PRKD1: variants seen among roughly 807,000 people sequenced by gnomAD.
The protein encoded by PRKD1 is serine/threonine-protein kinase D1.
In PRKD1, 63 loss-of-function variants were observed where a neutral mutation model predicts 95.9. The observed-to-expected ratio is 0.66, with a 90% confidence interval of 0.54 to 0.81. The LOEUF (loss-of-function observed/expected upper bound fraction) is 0.81, where lower values mean the gene tolerates loss of function less well. Ranked by LOEUF, PRKD1 falls within the 30% of genes least tolerant of loss-of-function variation. The pLI, the probability that PRKD1 is intolerant of heterozygous loss-of-function variation, is 0.00. For missense variants in PRKD1, 1,048 were observed against 1,165.3 expected, an observed-to-expected ratio of 0.90 and a Z score of 1.47; for synonymous variants, 425 against 423.1, an observed-to-expected ratio of 1.00 and a Z score of -0.05.
intron 16 of PRKD1, among the ~76,000 whole-genome samples, chr14:29,581,665 C>T (rs1489472504): frequency 1.3e-5 from 2 of 152,102 alleles, no homozygotes; most frequent in African/African-American, 4.8e-5. Context: ...TTTTTACAGT[C>T]ATGATAATTA....
intron 1 of PRKD1, among the ~76,000 whole-genome samples, chr14:29,731,867 C>CTTTTT (rs56015138): frequency 1.4e-5 from 2 of 144,588 alleles, no homozygotes; most frequent in Admixed American, 6.9e-5. Context: ...ACAATCTCTA[C>CTTTTT]TTTTTTTTTT....
chr14:29,614,705 A>AC (rs1555328248), intron 13 of PRKD1, among the ~76,000 whole-genome samples: 13 of 148,278 alleles, frequency 8.8e-5, no homozygotes, highest in East Asian at 2.0e-4. Context: ...ATACACATAT[A>AC]TTTTTTTTTT....
At chr14:29,914,035 CTACTT>C (rs1894807918) in intron 1 of PRKD1, among the ~76,000 whole-genome samples, 1 of 152,208 alleles carries the variant, frequency 6.6e-6, no homozygotes, top group Admixed American at 6.5e-5. Flanking sequence ...TTAGGGAAAA[CTACTT>C]TACTGTATGC....
intron 8 of PRKD1, among the ~76,000 whole-genome samples, chr14:29,633,582 T>A (rs1224934951): frequency 6.6e-6 from 1 of 152,218 alleles, no homozygotes; most frequent in African/African-American, 2.4e-5. Flanking sequence ...TGTAGGTATA[T>A]CTTTCAGGAT....
intron 1 of PRKD1, among the ~76,000 whole-genome samples, chr14:29,914,848 C>T (rs1222730422): frequency 1.3e-5 from 2 of 151,652 alleles, no homozygotes; most frequent in Non-Finnish European, 2.9e-5. Flanking sequence ...TCTCGGCTAA[C>T]TGCAAGCTCC....
chr14:29,825,393 T>C (rs576637984), intron 1 of PRKD1, among the ~76,000 whole-genome samples: 4 of 152,222 alleles, frequency 2.6e-5, no homozygotes, highest in South Asian at 4.1e-4. Flanking sequence ...AAGGGTCATA[T>C]ATTTAAATGT....
intron 1 of PRKD1, among the ~76,000 whole-genome samples, chr14:29,774,411 G>T (rs1466413341): frequency 6.6e-6 from 1 of 152,140 alleles, no homozygotes; most frequent in Non-Finnish European, 1.5e-5. Context: ...GGAGAAAGAA[G>T]AGGAAAAGGA....
intron 1 of PRKD1, among the ~76,000 whole-genome samples, chr14:29,816,505 T>C (rs896732589): frequency 6.6e-6 from 1 of 152,232 alleles, no homozygotes; most frequent in South Asian, 2.1e-4. Flanking sequence ...TTACCATAAA[T>C]GTAACATTTA....
chr14:29,636,502 A>T lies in PRKD1; in HGVS notation c.986-8T>A. 1 of 1,613,930 alleles carries T rather than the reference A, an allele frequency of 6.2e-7. No homozygotes were observed. Among genetic ancestry groups the T allele is most frequent in the Non-Finnish European group, 8.5e-7 (1 of 1,179,932 alleles). On this transcript the variant is annotated splice_polypyrimidine_tract_variant and splice_region_variant and intron_variant, in intron 6 of 17. Transcript: ENST00000331968. The stretch of plus-strand genomic sequence containing the variant: ...CCCCAGGGCTAAGCAAATCTAGAAA[A>T]TTATTTTCACCCATGAAGATAAGCC...
intron 1 of PRKD1, among the ~76,000 whole-genome samples, chr14:29,847,100 C>T (rs75429043): frequency 0.17 from 26,045 of 152,032 alleles, 2,621 homozygotes; most frequent in East Asian, 0.28. Context: ...TTGTGTCTAA[C>T]ATTATGCATT....
At chr14:29,721,925 G>GA (rs891837385) in intron 2 of PRKD1, among the ~76,000 whole-genome samples, 3 of 151,348 alleles carry the variant, frequency 2.0e-5, no homozygotes, top group Non-Finnish European at 2.9e-5. Context: ...AACGGAGGGA[G>GA]AAAAAAATCA....
In PRKD1 at chr14:29,611,746, C is replaced by CAAAAA. The variant is rs368153834; in HGVS notation, c.1906-11934_1906-11930dup. On this transcript the variant is annotated intron_variant, in intron 13 of 17. Coordinates refer to ENST00000331968, the MANE Select transcript of PRKD1 (RefSeq NM_002742.3). ...GAATATTAAAAGTGTGAATTATTAC[C>CAAAAA]AAAAAAAAAAAAAACAAACGCTGGA... Among the ~76,000 whole-genome samples the CAAAAA allele has an allele frequency of 1.8e-3, 248 of 136,564 alleles. 2 individuals are homozygous for CAAAAA. Among genetic ancestry groups the CAAAAA allele is most frequent in the African/African-American group, 6.0e-3 (215 of 35,934 alleles). 89.6% of individuals were successfully genotyped at this position (136,564 alleles called of 152,430 possible).
At chr14:29,883,433 A>G (rs1377231064) in intron 1 of PRKD1, among the ~76,000 whole-genome samples, 1 of 152,210 alleles carries the variant, frequency 6.6e-6, no homozygotes, top group East Asian at 1.9e-4. Flanking sequence ...GTATTTTACC[A>G]TGTGTATATT....
chr14:29,695,234 CAAAA>C (rs34575259), intron 2 of PRKD1, among the ~76,000 whole-genome samples: 7 of 95,146 alleles, frequency 7.4e-5, no homozygotes, highest in Non-Finnish European at 4.4e-5. Flanking sequence ...AACTCCATCT[CAAAA>C]AAAAAAAAAA....
intron 11 of PRKD1, 29 bp from the exon 12 acceptor site, chr14:29,626,585 A>C (rs1239292938): frequency 4.0e-6 from 6 of 1,491,256 alleles, no homozygotes; most frequent in Middle Eastern, 3.5e-4. Flanking sequence ...TGAAAAAAAA[A>C]CATGAAGCAG....
intron 4 of PRKD1, among the ~76,000 whole-genome samples, chr14:29,653,401 T>C (rs1881631904): frequency 6.6e-6 from 1 of 152,134 alleles, no homozygotes; most frequent in African/African-American, 2.4e-5. Context: ...AATTAGTAGA[T>C]ACCTCCTTAA....
intron 1 of PRKD1, among the ~76,000 whole-genome samples, chr14:29,890,496 G>A (rs1218612697): frequency 6.6e-6 from 1 of 152,070 alleles, no homozygotes; most frequent in East Asian, 1.9e-4. Flanking sequence ...TAAATAACTA[G>A]ATAAATAGGT....
At chr14:29,718,119 G>T (rs188366864) in intron 2 of PRKD1, among the ~76,000 whole-genome samples, 1 of 152,218 alleles carries the variant, frequency 6.6e-6, no homozygotes, top group East Asian at 1.9e-4. Flanking sequence ...GGTTTAGTGT[G>T]GCACAAAGAA....
At chr14:29,729,272 G>C (rs1886320216) in intron 1 of PRKD1, among the ~76,000 whole-genome samples, 1 of 152,008 alleles carries the variant, frequency 6.6e-6, no homozygotes, top group Admixed American at 6.6e-5. Context: ...TTAAATGTTT[G>C]GTAGAATTCT....
Sources: allele counts gnomAD v4.1 joint callset (sites outside exome capture counted in the v4.1 genomes callset), GRCh38; gene constraint gnomAD v4.1.1; transcripts MANE v1.5; gene names NCBI Gene and HGNC (gene_info 2026-07-23, HGNC 2026-07-21).